BABAM2: variants seen among roughly 807,000 people sequenced by gnomAD.
BABAM2 encodes the protein BRISC and BRCA1-A complex member 2.
In BABAM2, 31 loss-of-function variants were observed where a neutral mutation model predicts 54.7. That is an observed-to-expected ratio of 0.57 (90% confidence interval 0.43 to 0.77). The LOEUF is 0.77. Among genes scored for constraint, BABAM2 ranks in the 30% least tolerant of loss-of-function variants. BABAM2 has a pLI of 0.00. For missense variants in BABAM2, 364 were observed against 455.8 expected, an observed-to-expected ratio of 0.80 and a Z score of 1.83; for synonymous variants, 167 against 162.9, an observed-to-expected ratio of 1.03 and a Z score of -0.19.
rs202097046 is a variant in BABAM2, at chr2:28,094,907, CT to C, written c.571-34348del. Among the ~76,000 whole-genome samples, 335 of 130,612 alleles carry C rather than the reference CT, an allele frequency of 2.6e-3. 4 individuals are homozygous for C. Among genetic ancestry groups the C allele is most frequent in the East Asian group, 0.02 (89 of 4,524 alleles). 85.7% of individuals were successfully genotyped at this position (130,612 alleles called of 152,430 possible). The stretch of plus-strand genomic sequence containing the variant: ...TCATACCACTACGTAGCTCCCTCTT[CT>C]TTTTTTTTTTTTTTTCACAATGCCT... On this transcript the variant is annotated intron_variant, in intron 6 of 11. Coordinates refer to ENST00000379624, the MANE Select transcript of BABAM2 (RefSeq NM_199191.3).
At chr2:28,321,028 C>T (rs537441559) in intron 11 of BABAM2, among the ~76,000 whole-genome samples, 3 of 152,342 alleles carry the variant, frequency 2.0e-5, no homozygotes, top group Admixed American at 1.3e-4. Context: ...TGGTACCAGA[C>T]ACTAGTTGGA....
intron 3 of BABAM2, among the ~76,000 whole-genome samples, chr2:27,939,400 G>A (rs1668718596): frequency 6.6e-6 from 1 of 152,180 alleles, no homozygotes; most frequent in African/African-American, 2.4e-5. Flanking sequence ...CTCTAGCACA[G>A]TAAAGATATT....
intron 11 of BABAM2, among the ~76,000 whole-genome samples, chr2:28,314,244 T>C (rs191045825): frequency 6.6e-6 from 1 of 152,348 alleles, no homozygotes; most frequent in East Asian, 1.9e-4. Flanking sequence ...AACAACCTTA[T>C]GAGCTAGGTA....
chr2:28,123,115 T>A (rs1473593042), intron 6 of BABAM2, among the ~76,000 whole-genome samples: 3 of 152,224 alleles, frequency 2.0e-5, no homozygotes, highest in Non-Finnish European at 4.4e-5. Flanking sequence ...TTTAGTTATC[T>A]CTGCATTAAT....
At chr2:28,277,624 C>T (rs1685988667) in intron 10 of BABAM2, among the ~76,000 whole-genome samples, 1 of 152,232 alleles carries the variant, frequency 6.6e-6, no homozygotes, top group East Asian at 1.9e-4. Context: ...ACTTCTGGTG[C>T]TTCACGGTTG....
intron 7 of BABAM2, among the ~76,000 whole-genome samples, chr2:28,143,162 A>AT: frequency 6.9e-6 from 1 of 145,344 alleles, no homozygotes; most frequent in Non-Finnish European, 1.5e-5. Flanking sequence ...TATATATATA[A>AT]AACAATGGAC....
intron 6 of BABAM2, among the ~76,000 whole-genome samples, chr2:28,103,603 C>G (rs1240169905): frequency 6.6e-6 from 1 of 152,212 alleles, no homozygotes; most frequent in Non-Finnish European, 1.5e-5. Flanking sequence ...GCCACTGCAC[C>G]TGGCATAAAG....
chr2:28,158,642 A>T (rs1458726159), intron 7 of BABAM2, among the ~76,000 whole-genome samples: 1 of 152,156 alleles, frequency 6.6e-6, no homozygotes, highest in Non-Finnish European at 1.5e-5. Context: ...TGTCTCTTTC[A>T]TTGTTTGGAA....
chr2:28,298,941 T>C (rs1376419201), intron 11 of BABAM2, among the ~76,000 whole-genome samples: 1 of 152,218 alleles, frequency 6.6e-6, no homozygotes, highest in Non-Finnish European at 1.5e-5. Context: ...ATGGCATAAA[T>C]GATGAAAATG....
At chr2:28,078,445 G>GA in intron 6 of BABAM2, among the ~76,000 whole-genome samples, 1 of 151,878 alleles carries the variant, frequency 6.6e-6, no homozygotes, top group Admixed American at 6.6e-5. Context: ...AATAATGAAA[G>GA]AAAAAAACCC....
chr2:28,126,741 C>G lies in BABAM2; in HGVS notation c.571-2530C>G, dbSNP rs1355623240. 4.6e-3 allele frequency among the ~76,000 whole-genome samples: 657 copies of G among 141,764 alleles called. 6 individuals carry two copies. Among genetic ancestry groups the G allele is most frequent in the African/African-American group, 0.016 (608 of 37,634 alleles). The allele number at this position is 141,764 out of a possible 152,430, so 93.0% of individuals were successfully genotyped here. On this transcript the variant is annotated intron_variant, in intron 6 of 11. Coordinates refer to ENST00000379624, the MANE Select transcript of BABAM2 (RefSeq NM_199191.3). ...CACACTGACTTCCACAATGGTTGAA[C>G]TAGTTTACAGTCCCACCAACAGTGT...
At chr2:28,253,787 A>G (rs1008558136) in intron 10 of BABAM2, among the ~76,000 whole-genome samples, 4 of 152,190 alleles carry the variant, frequency 2.6e-5, no homozygotes, top group Non-Finnish European at 5.9e-5. Context: ...CTCATCTCTC[A>G]GGAATGGAGT....
chr2:28,204,138 A>C (rs954112202), intron 7 of BABAM2, among the ~76,000 whole-genome samples: 1 of 152,062 alleles, frequency 6.6e-6, no homozygotes, highest in Non-Finnish European at 1.5e-5. Flanking sequence ...AGTTACTTAC[A>C]TATTGTGATA....
At chr2:28,174,353 G>A (rs1674682353) in intron 7 of BABAM2, among the ~76,000 whole-genome samples, 1 of 152,132 alleles carries the variant, frequency 6.6e-6, no homozygotes, top group African/African-American at 2.4e-5. Context: ...AAAGAAATAT[G>A]GTGAAAAATA....
intron 2 of BABAM2, among the ~76,000 whole-genome samples, chr2:27,900,555 G>A (rs1220235942): frequency 6.6e-6 from 1 of 152,072 alleles, no homozygotes; most frequent in Non-Finnish European, 1.5e-5. Context: ...CTTTTCACAT[G>A]TAATGTAGTA....
chr2:27,992,651 G>A (rs1243665875), intron 4 of BABAM2, among the ~76,000 whole-genome samples: 2 of 152,172 alleles, frequency 1.3e-5, no homozygotes, highest in Admixed American at 1.3e-4. Context: ...AATTATTGTA[G>A]GTTGGAATTT....
chr2:28,110,398 C>T (rs1276219577), intron 6 of BABAM2, among the ~76,000 whole-genome samples: 1 of 151,868 alleles, frequency 6.6e-6, no homozygotes, highest in East Asian at 1.9e-4. Context: ...CCAAGGTGGG[C>T]AGATTACCTG....
chr2:28,103,899 C>T (rs1052269419), intron 6 of BABAM2, among the ~76,000 whole-genome samples: 2 of 152,172 alleles, frequency 1.3e-5, no homozygotes, highest in Non-Finnish European at 2.9e-5. Flanking sequence ...ATTCACAGAT[C>T]GTACTGTTTA....
chr2:28,266,370 A>G (rs1008499797), intron 10 of BABAM2, among the ~76,000 whole-genome samples: 2 of 152,330 alleles, frequency 1.3e-5, no homozygotes, highest in Non-Finnish European at 2.9e-5. Flanking sequence ...TTTTATTGCC[A>G]TGGATGTGCA....
Sources: allele counts gnomAD v4.1 joint callset (sites outside exome capture counted in the v4.1 genomes callset), GRCh38; gene constraint gnomAD v4.1.1; transcripts MANE v1.5; gene names NCBI Gene and HGNC (gene_info 2026-07-23, HGNC 2026-07-21).